EGFR: variants seen among roughly 807,000 people sequenced by gnomAD.
EGFR encodes the protein epidermal growth factor receptor, also known as avian erythroblastic leukemia viral (v-erb-b) oncogene homolog.
In EGFR, 58 loss-of-function variants were observed where a neutral mutation model predicts 143.0. The ratio of observed to expected loss-of-function variants is 0.41; its 90% CI spans 0.33 to 0.50. The LOEUF (loss-of-function observed/expected upper bound fraction) is 0.50. Ranked by LOEUF, EGFR falls within the 20% of genes least tolerant of loss-of-function variation. The probability of loss-of-function intolerance (pLI) is 0.39; values close to 1 mark genes in which losing one functional copy is unlikely to be tolerated. For synonymous variants in EGFR, 613 were observed against 594.4 expected, an observed-to-expected ratio of 1.03 and a Z score of -0.45; for missense variants, 1,307 against 1,579.0, an observed-to-expected ratio of 0.83 and a Z score of 2.92.
Position 55,130,855 on chromosome 7 carries a change from C to T in EGFR, c.89-11431C>T, listed in dbSNP as rs139065874. Among the ~76,000 whole-genome samples, 513 of 152,372 alleles carry T rather than the reference C, an allele frequency of 3.4e-3. 2 individuals carry two copies. The highest frequency in any genetic ancestry group is 0.012 in the African/African-American group (495 of 41,590). On this transcript the variant is annotated intron_variant, in intron 1 of 27. Coordinates refer to ENST00000275493, the MANE Select transcript of EGFR (RefSeq NM_005228.5). ...AGCTGCCTTCCTTTCAAGCCGCAGACGCATCCCTGTGTCCAGGCGGGCTGG... is the reference window on the plus strand; with the variant it reads ...AGCTGCCTTCCTTTCAAGCCGCAGATGCATCCCTGTGTCCAGGCGGGCTGG...
Position 55,205,700 on chromosome 7 carries a change from G to A in EGFR, c.*83G>A. ...CCACAGCAGGTCCTCCATCCCAACA[G>A]CCATGCCCGCATTAGCTCTTAGACC... On this transcript the variant is annotated 3_prime_UTR_variant, in exon 28 of 28. Transcript: ENST00000275493. 1.2e-6 allele frequency: 2 copies of A among 1,607,470 alleles called. No individual in the cohort carries two copies. Among genetic ancestry groups the A allele is most frequent in the Non-Finnish European group, 1.7e-6 (2 of 1,176,506 alleles).
At chr7:55,138,459 AC>A (rs1794281576) in intron 1 of EGFR, among the ~76,000 whole-genome samples, 1 of 152,246 alleles carries the variant, frequency 6.6e-6, no homozygotes, top group South Asian at 2.1e-4. Flanking sequence ...TCCTTAAAGT[AC>A]TATGTATTCA....
chr7:55,124,559 C>T (rs1793409531), intron 1 of EGFR, among the ~76,000 whole-genome samples: 2 of 152,218 alleles, frequency 1.3e-5, no homozygotes, highest in Non-Finnish European at 2.9e-5. Flanking sequence ...TTATCATCAT[C>T]TGCAAGTTTA....
At chr7:55,199,809 C>T (rs992403301) in intron 23 of EGFR, among the ~76,000 whole-genome samples, 1 of 152,180 alleles carries the variant, frequency 6.6e-6, no homozygotes, top group African/African-American at 2.4e-5. Flanking sequence ...GCCCACCAGC[C>T]TTCTCACTTG....
In EGFR at chr7:55,192,850, T is replaced by C. The variant is rs774668879; in HGVS notation, c.2701+9T>C. 6.2e-7 allele frequency: 1 copy of C among 1,613,734 alleles called. No individual in the cohort carries two copies. The highest frequency in any genetic ancestry group is 1.1e-5 in the South Asian group (1 of 91,074). On this transcript the variant is annotated intron_variant, in intron 22 of 27. Coordinates refer to ENST00000275493, the MANE Select transcript of EGFR (RefSeq NM_005228.5). ...TGATGTCTGGAGCTACGGTGAGTCA[T>C]AATCCTGATGCTAATGAGTTTGTAC...
chr7:55,202,797 A>G, intron 27 of EGFR, 172 bp downstream of exon 27: 1 of 717,630 alleles, frequency 1.4e-6, no homozygotes, highest in East Asian at 2.7e-5. Context: ...CACATGACCG[A>G]GCCTGCACAA....
intron 1 of EGFR, among the ~76,000 whole-genome samples, chr7:55,029,190 A>G (rs1304808285): frequency 6.6e-6 from 1 of 152,182 alleles, no homozygotes; most frequent in Non-Finnish European, 1.5e-5. Context: ...TTGGAGAATT[A>G]TTGTGTCACC....
chr7:55,151,931 T>C (rs573371951), intron 5 of EGFR, among the ~76,000 whole-genome samples: 41 of 152,308 alleles, frequency 2.7e-4, no homozygotes, highest in African/African-American at 9.9e-4. Context: ...ACCCCAGCCC[T>C]GTCCTCTGAA....
rs573529333 is a variant in EGFR, at chr7:55,054,133, C to A, written c.88+34768C>A. On this transcript the variant is annotated intron_variant, in intron 1 of 27. Transcript: ENST00000275493. ...ATGGTCTGCCCGTTCTTGTTCACTC[C>A]CTGCCCCAGGCTCCCCACCCGCCTT... Among the ~76,000 whole-genome samples the A allele has an allele frequency of 2.0e-5, 3 of 152,290 alleles. No homozygotes were observed. In the East Asian group the frequency reaches 5.8e-4, roughly 29 times the overall value.
intron 19 of EGFR, among the ~76,000 whole-genome samples, chr7:55,176,969 A>C (rs994210332): frequency 6.7e-6 from 1 of 150,310 alleles, no homozygotes; most frequent in Non-Finnish European, 1.5e-5. Context: ...CCCTAAATAT[A>C]TTAAATAAAT....
chr7:55,143,614 C>T (rs1252885432), intron 3 of EGFR, 126 bp downstream of exon 3: 2 of 1,044,682 alleles, frequency 1.9e-6, no homozygotes, highest in African/African-American at 3.2e-5. Flanking sequence ...TACACGTGCA[C>T]TGAGTGCCGG....
At chr7:55,160,434 T>G (rs1401205816) in intron 12 of EGFR, 96 bp downstream of exon 12, 3 of 1,264,060 alleles carry the variant, frequency 2.4e-6, no homozygotes, top group Non-Finnish European at 3.3e-6. Flanking sequence ...TTTAAATTAC[T>G]TTTTTCAGTT....
chr7:55,106,539 T>C (rs1444932511), intron 1 of EGFR, among the ~76,000 whole-genome samples: 2 of 152,262 alleles, frequency 1.3e-5, no homozygotes, highest in African/African-American at 4.8e-5. Context: ...TCTTCAGTTC[T>C]GTTTCCTTTA....
intron 1 of EGFR, among the ~76,000 whole-genome samples, chr7:55,079,144 G>A (rs1790310825): frequency 6.6e-6 from 1 of 152,164 alleles, no homozygotes. Flanking sequence ...GAGGCTGGAG[G>A]GAAAGCCCCG....
At chr7:55,055,551 G>T (rs1788756187) in intron 1 of EGFR, among the ~76,000 whole-genome samples, 2 of 152,142 alleles carry the variant, frequency 1.3e-5, no homozygotes, top group South Asian at 4.1e-4. Context: ...TTCTGCTGTT[G>T]TATATAACAT....
intron 27 of EGFR, chr7:55,203,112 C>G: frequency 3.8e-6 from 1 of 263,122 alleles, no homozygotes; most frequent in Non-Finnish European, 7.3e-6. Context: ...CATATACACA[C>G]ACATACACAT....
In EGFR at chr7:55,163,836, T is replaced by G; in HGVS notation, c.1722+13T>G. Reference sequence around the variant, plus strand: ...CTGCACAGGACGGGTAAGAGCCCCTTGCTGCTATCCACGTCCATTTCATGG... The same window carrying G: ...CTGCACAGGACGGGTAAGAGCCCCTGGCTGCTATCCACGTCCATTTCATGG... On this transcript the variant is annotated intron_variant, in intron 14 of 27. Transcript: ENST00000275493. 6.2e-7 allele frequency: 1 copy of G among 1,613,942 alleles called. No individual in the cohort carries two copies. Among genetic ancestry groups the G allele is most frequent in the Non-Finnish European group, 8.5e-7 (1 of 1,179,868 alleles).
At chr7:55,028,025 T>TATATATATATACAC (rs869080650) in intron 1 of EGFR, among the ~76,000 whole-genome samples, 2 of 101,652 alleles carry the variant, frequency 2.0e-5, no homozygotes, top group Admixed American at 1.0e-4. Flanking sequence ...TATATATATA[T>TATATATATATACAC]ACACACACAC....
intron 1 of EGFR, chr7:55,109,593 C>T (rs756336590): frequency 6.3e-6 from 2 of 317,214 alleles, no homozygotes; most frequent in Non-Finnish European, 9.1e-6. Context: ...CAAAGCCTTC[C>T]TCGCTTTCCC....
Sources: gnomAD v4.1 joint callset for allele counts (sites outside exome capture counted in the v4.1 genomes callset) on GRCh38, gnomAD v4.1.1 for gene constraint, MANE v1.5 for transcripts, NCBI Gene and HGNC (gene_info 2026-07-23, HGNC 2026-07-21) for gene names.